Variants in RP1 observed in about 807,000 individuals in gnomAD.
The protein encoded by RP1 is RP1 axonemal microtubule associated.
In RP1, 16 loss-of-function variants were observed where a neutral mutation model predicts 14.8. The observed-to-expected ratio is 1.08, with a 90% CI of 0.73 to 1.65. The LOEUF is 1.65. Ranked by LOEUF, RP1 falls within the 40% of genes most tolerant of loss-of-function variation. The probability of loss-of-function intolerance (pLI) is 0.00; values close to 1 mark genes in which losing one functional copy is unlikely to be tolerated. For missense variants in RP1, 2,631 were observed against 2,535.0 expected, an observed-to-expected ratio of 1.04 and a Z score of -0.81; for synonymous variants, 876 against 883.6, an observed-to-expected ratio of 0.99 and a Z score of 0.15.
At chr8:54,800,733 G>T (rs1810685737) in intron 24 of RP1, among the ~76,000 whole-genome samples, 1 of 152,080 alleles carries the variant, frequency 6.6e-6, no homozygotes, top group Non-Finnish European at 1.5e-5. Context: ...TTTACTGAAA[G>T]TACTCACCTG....
chr8:54,664,406 C>CAT (rs1362242820), intron 7 of RP1, among the ~76,000 whole-genome samples: 1 of 152,062 alleles, frequency 6.6e-6, no homozygotes, highest in Non-Finnish European at 1.5e-5. Flanking sequence ...GTTTTTGAGA[C>CAT]ATATTTAGAA....
exon 29 of RP1, chr8:54,871,145 C>A (rs1812580830): frequency 1.3e-5 from 2 of 152,164 alleles, no homozygotes; most frequent in Non-Finnish European, 2.9e-5. Context: ...CATCCTAAAT[C>A]ATATTCCAAA....
At chr8:54,617,880 T>C (rs1805758564) in intron 1 of RP1, among the ~76,000 whole-genome samples, 1 of 152,242 alleles carries the variant, frequency 6.6e-6, no homozygotes, top group Non-Finnish European at 1.5e-5. Flanking sequence ...GATGACATTG[T>C]GCAATCAATG....
intron 22 of RP1, among the ~76,000 whole-genome samples, chr8:54,762,983 A>G (rs1289473747): frequency 6.6e-6 from 1 of 152,118 alleles, no homozygotes; most frequent in African/African-American, 2.4e-5. Context: ...CTACTCCAGT[A>G]TGGCCTCATC....
intron 7 of RP1, among the ~76,000 whole-genome samples, chr8:54,667,500 T>C (rs1392650504): frequency 6.6e-6 from 1 of 152,048 alleles, no homozygotes; most frequent in Admixed American, 6.6e-5. Context: ...AAGAAAGAGA[T>C]TGTGGGCTCC....
exon 26 of RP1, chr8:54,852,633 A>T: frequency 8.1e-7 from 1 of 1,231,882 alleles, no homozygotes; most frequent in Non-Finnish European, 1.0e-6. Context: ...AACAGAGTCT[A>T]ATGTATTTAT....
upstream of RP1, among the ~76,000 whole-genome samples, chr8:54,612,279 G>A (rs1805616330): frequency 6.6e-6 from 1 of 152,202 alleles, no homozygotes; most frequent in South Asian, 2.1e-4. Flanking sequence ...TTAGTATTTG[G>A]AGGAGGGAGT....
intron 28 of RP1, among the ~76,000 whole-genome samples, chr8:54,866,568 G>A (rs1282222141): frequency 6.6e-6 from 1 of 152,088 alleles, no homozygotes; most frequent in African/African-American, 2.4e-5. Context: ...AAAACAAAAT[G>A]CACTAAACAT....
Position 54,720,103 on chromosome 8 carries a change from A to G in RP1, c.2212-26A>G. ...TGTCTTTTAGGACTTGCTCACATTT[A>G]TTGAATCATTTTGTATTGATTGTAG... is the stretch of plus-strand genomic sequence containing the variant. On this transcript the variant is annotated intron_variant, in intron 15 of 22. Transcript: ENST00000636932. The G allele has an allele frequency of 2.7e-6, 4 of 1,455,098 alleles. No individual in the cohort carries two copies. The South Asian group carries it at 4.1e-5, about 15-fold the overall frequency. The allele number at this position is 1,455,098 out of a possible 1,614,324, so 90.1% of individuals were successfully genotyped here.
intron 28 of RP1, among the ~76,000 whole-genome samples, chr8:54,867,369 T>C (rs1233718727): frequency 1.3e-5 from 2 of 152,194 alleles, no homozygotes; most frequent in East Asian, 1.9e-4. Context: ...TTTTATGAAA[T>C]TCAAGCTCTA....
chr8:54,713,078 C>CT (rs879613208), intron 15 of RP1, among the ~76,000 whole-genome samples: 131 of 143,062 alleles, frequency 9.2e-4, no homozygotes, highest in East Asian at 1.2e-3. Flanking sequence ...TCAAGAAATG[C>CT]TTTTTTTTTT....
intron 12 of RP1, among the ~76,000 whole-genome samples, chr8:54,680,884 G>A (rs1200508733): frequency 1.3e-5 from 2 of 151,842 alleles, no homozygotes; most frequent in Non-Finnish European, 2.9e-5. Flanking sequence ...TGTGAACCCG[G>A]AGGGTGGAGC....
chr8:54,754,682 C>T (rs961049984), intron 19 of RP1: 90 of 1,003,122 alleles, frequency 9.0e-5, no homozygotes, highest in South Asian at 2.6e-4. Flanking sequence ...CAACCATCAC[C>T]GCTATCACCA....
chr8:54,605,697 G>T (rs1334237660), intron 1 of RP1, among the ~76,000 whole-genome samples: 1 of 152,098 alleles, frequency 6.6e-6, no homozygotes, highest in East Asian at 1.9e-4. Context: ...GGTCTCTAAG[G>T]ACTTGCTTTA....
At position 54,663,808 on chromosome 8, in the gene RP1, A is replaced by G. The variant is rs769403673; in HGVS notation, c.1281A>G (p.Gln427=). The G allele has an allele frequency of 1.5e-4, 231 of 1,533,766 alleles. No individual in the cohort carries two copies. In the African/African-American group the frequency reaches 2.9e-3, roughly 19 times the overall value. The change falls in exon 7 of 23, where the codon CAA becomes CAG. Residue 427 remains glutamine (Q), a synonymous_variant. Coordinates refer to the RP1 transcript ENST00000636932. Reference sequence around the variant, plus strand: ...AAAAGGGAGATACAGGATCCAGACAACTATTTAGATCGAAGAGCTCCTTCA... The same window carrying G: ...AAAAGGGAGATACAGGATCCAGACAGCTATTTAGATCGAAGAGCTCCTTCA...
Position 54,627,878 on chromosome 8 carries a change from C to T in RP1, c.3996C>T (p.Thr1332=). The part of the protein sequence containing the change: ...TYEGACPIDE[T]YVPVNVCNTI... ...AGGGAGCTTGCCCAATTGATGAGAC[C>T]TACGTTCCTGTCAATGTCTGCAATA... Residue 1332 remains threonine, a synonymous_variant, in exon 4 of 4, where the codon ACC becomes ACT. Transcript: ENST00000220676. 1.9e-6 allele frequency: 3 copies of T among 1,614,154 alleles called. No individual in the cohort carries two copies. The highest frequency in any genetic ancestry group is 2.5e-6 in the Non-Finnish European group (3 of 1,179,986).
chr8:54,611,452 G>T (rs1348919619), upstream of RP1, among the ~76,000 whole-genome samples: 3 of 152,064 alleles, frequency 2.0e-5, no homozygotes, highest in Non-Finnish European at 4.4e-5. Flanking sequence ...TCTGCTGATT[G>T]TTTTTGCTGC....
Position 54,627,586 on chromosome 8 carries a change from T to C in RP1, c.3704T>C (p.Leu1235Ser), listed in dbSNP as rs770380600. The change falls in exon 4 of 4, where the codon TTG becomes TCG. Residue 1235 changes from leucine (L) to serine (S), a missense_variant. Transcript: ENST00000220676. ...ENERTQGISS[L>S]DGGCSASEAC... ...GAAAGAACACAAGGAATCTCCTCTT[T>C]GGATGGAGGTTGCTCTGCCAGTGAG... is the stretch of plus-strand genomic sequence containing the variant. 11 of 1,614,074 alleles carry C rather than the reference T, an allele frequency of 6.8e-6. No individual in the cohort carries two copies. In the African/African-American group the frequency reaches 1.1e-4, roughly 16 times the overall value.
At chr8:54,745,412 A>G (rs928279964) in intron 19 of RP1, among the ~76,000 whole-genome samples, 1 of 152,176 alleles carries the variant, frequency 6.6e-6, no homozygotes, top group Non-Finnish European at 1.5e-5. Flanking sequence ...CCAGTCAACT[A>G]TTTTTAGGAT....
Sources: gnomAD v4.1 joint callset for allele counts (sites outside exome capture counted in the v4.1 genomes callset) on GRCh38, gnomAD v4.1.1 for gene constraint, MANE v1.5 for transcripts, NCBI Gene and HGNC (gene_info 2026-07-23, HGNC 2026-07-21) for gene names.